Variants in MTRR observed in about 807,000 individuals in gnomAD.
MTRR encodes the protein methionine synthase reductase.
In MTRR, 63 loss-of-function variants were observed where a neutral mutation model predicts 79.2. The observed-to-expected ratio is 0.80, with a 90% CI of 0.65 to 0.98. The LOEUF (loss-of-function observed/expected upper bound fraction) is 0.98. MTRR is among the 50% of genes least tolerant of loss of function. MTRR has a pLI of 0.00. For missense variants in MTRR, 895 were observed against 839.6 expected (o/e 1.07, Z -0.82); for synonymous variants, 355 against 313.3 (o/e 1.13, Z -1.41).
chr5:7,873,212 T>G (rs1748302592), intron 2 of MTRR, among the ~76,000 whole-genome samples, 161 bp from the exon 3 acceptor site: 1 of 152,184 alleles, frequency 6.6e-6, no homozygotes, highest in African/African-American at 2.4e-5. Context: ...GCAAATTGAT[T>G]AAGCTGAGAG....
Position 7,899,982 on chromosome 5 carries a change from T to A in MTRR, c.2021T>A (p.Val674Asp). 6.2e-7 allele frequency: 1 copy of A among 1,613,734 alleles called. No individual in the cohort carries two copies. Among genetic ancestry groups the A allele is most frequent in the Non-Finnish European group, 8.5e-7 (1 of 1,179,932 alleles). ...CAAATAATAAGCAAAGAGGTTGGAGTTGAAAAACTAGAAGCAATGAAAACC... is the reference window on the plus strand; with the variant it reads ...CAAATAATAAGCAAAGAGGTTGGAGATGAAAAACTAGAAGCAATGAAAACC... ...LVQIISKEVG[V>D]EKLEAMKTLA... Residue 674 changes from valine (V) to aspartate (D), a missense_variant, in exon 15 of 15, where the codon GTT becomes GAT. Physicochemically the swap from Val to Asp is radical, Grantham distance 152 (BLOSUM62 -3). Transcript: ENST00000440940.
At chr5:7,878,431 T>C (rs1488806589) in intron 5 of MTRR, 109 bp downstream of exon 5, 1 of 1,329,618 alleles carries the variant, frequency 7.5e-7, no homozygotes, top group African/African-American at 1.5e-5. Flanking sequence ...TATGGCTTAC[T>C]GGCCCAATGT....
rs1748681766 is a variant in MTRR, at chr5:7,875,277, C to T, written c.303C>T (p.Tyr101=). 2.5e-6 allele frequency: 4 copies of T among 1,613,128 alleles called. No individual in the cohort carries two copies. Among genetic ancestry groups the T allele is most frequent in the Non-Finnish European group, 3.4e-6 (4 of 1,179,280 alleles). The change falls in exon 4 of 15, where the codon TAC becomes TAT. Residue 101 remains tyrosine (Y), a synonymous_variant. Coordinates refer to ENST00000440940, the MANE Select transcript of MTRR (RefSeq NM_002454.3). ...CTCTAGGTCTCGGTGATTCAGAATA[C>T]ACCTACTTTTGCAATGGGGGGAAGA... ...YGLLGLGDSE[Y]TYFCNGGKII...
upstream of MTRR, chr5:7,868,976 T>C (rs757648205): frequency 1.6e-5 from 13 of 835,928 alleles, no homozygotes; most frequent in Admixed American, 7.2e-5. Flanking sequence ...CGTTGACACC[T>C]ACCGCGCTCT....
Position 7,900,697 on chromosome 5 carries a change from T to A in MTRR, c.*639T>A, listed in dbSNP as rs1739337468. The A allele has an allele frequency of 6.5e-6, 1 of 152,858 alleles. No homozygotes were observed. Among genetic ancestry groups the A allele is most frequent in the South Asian group, 2.1e-4 (1 of 4,846 alleles). The allele number at this position is 152,858 out of a possible 1,614,324, so 9.5% of individuals were successfully genotyped here. A position where few individuals can be genotyped will look rare whatever the true frequency, so the allele number is the denominator to read the frequency against. ...TAAAATTTCACTCTGGCATATGATT[T>A]ATCTATCACCATTACTTTTTTTTAA... On this transcript the variant is annotated 3_prime_UTR_variant, in exon 15 of 15. Transcript: ENST00000440940.
chr5:7,877,886 G>A (rs2126692470), intron 4 of MTRR, 58 bp from the exon 5 acceptor site: 2 of 1,600,680 alleles, frequency 1.2e-6, no homozygotes, highest in South Asian at 1.1e-5. Context: ...ATCCTGTTCT[G>A]TGTTCAGATG....
chr5:7,870,020 C>T (rs1747641666), intron 1 of MTRR: 2 of 985,214 alleles, frequency 2.0e-6, no homozygotes, highest in Non-Finnish European at 2.4e-6. Context: ...TGACAGCCCA[C>T]CAATTTTAGC....
In MTRR at chr5:7,891,419, TA is replaced by T. The variant is rs1374075534; in HGVS notation, c.1370+6del. ...CAGACCATATTCGTGTGCAAGGTAC[TA>T]CTATTTATTCACGTAATATATAGCA... On this transcript the variant is annotated splice_donor_region_variant and intron_variant, in intron 10 of 14. Transcript: ENST00000440940. 1.2e-6 allele frequency: 2 copies of T among 1,605,426 alleles called. No individual in the cohort carries two copies. Among genetic ancestry groups the T allele is most frequent in the East Asian group, 4.5e-5 (2 of 44,626 alleles).
Position 7,870,849 on chromosome 5 carries a change from G to A in MTRR, c.55G>A (p.Ala19Thr), listed in dbSNP as rs114847469. ...ATQQGQAKAIAEEICEQAVVH... is the reference protein window; with the variant it reads ...ATQQGQAKAITEEICEQAVVH... ...ACAGCAGGGACAGGCAAAGGCCATC[G>A]CAGAAGAAATATGTGAGCAAGCTGT... The change falls in exon 2 of 15, where the codon GCA (alanine) becomes ACA (threonine). Residue 19 changes from alanine to threonine, a missense_variant. Physicochemically the swap from Ala to Thr is moderately conservative, Grantham distance 58. Transcript: ENST00000440940. The A allele has an allele frequency of 7.6e-5, 122 of 1,614,190 alleles. No homozygotes were observed. In the African/African-American group the frequency reaches 1.2e-3, roughly 15 times the overall value.
chr5:7,866,769 G>C, upstream of MTRR: 1 of 1,614,080 alleles, frequency 6.2e-7, no homozygotes, highest in Non-Finnish European at 8.5e-7. Context: ...TAATTGAAAT[G>C]AGTGAATAGC....
At position 7,873,476 on chromosome 5, in the gene MTRR, A is replaced by T; in HGVS notation, c.233A>T (p.Asn78Ile). Residue 78 changes from asparagine (N) to isoleucine (I), a missense_variant, in exon 3 of 15, where the codon AAC becomes ATC. By Grantham distance (149) the Asn-to-Ile change is moderately radical. Coordinates refer to ENST00000440940, the MANE Select transcript of MTRR (RefSeq NM_002454.3). ...CGCAAGTTTGTTAAGGAAATACAGA[A>T]CCAAACACTGCCGGTTGATTTCTTT... Reference protein sequence around the residue: ...TARKFVKEIQNQTLPVDFFAH... With the variant: ...TARKFVKEIQIQTLPVDFFAH... 1 of 1,614,134 alleles carries T rather than the reference A, an allele frequency of 6.2e-7. No individual in the cohort carries two copies.
At position 7,885,909 on chromosome 5, in the gene MTRR, G is replaced by T; in HGVS notation, c.1057+55G>T. ...TGTTGTGGGCCAGTGGACTGGAGCT[G>T]ATGGTGAGAGTGTGGCTCTAAGGTT... is the stretch of plus-strand genomic sequence containing the variant. On this transcript the variant is annotated intron_variant, in intron 7 of 14. Coordinates refer to ENST00000440940, the MANE Select transcript of MTRR (RefSeq NM_002454.3). The T allele has an allele frequency of 3.1e-6, 5 of 1,609,812 alleles. No individual in the cohort carries two copies. The South Asian group carries it at 5.5e-5, about 18-fold the overall frequency.
rs139206262 is a variant in MTRR, at chr5:7,895,829, G to A, written c.1653G>A (p.Pro551=). The A allele has an allele frequency of 9.8e-3, 15,831 of 1,614,060 alleles. 95 individuals carry two copies. The highest frequency in any genetic ancestry group is 0.012 in the Non-Finnish European group (13,704 of 1,179,944). The change falls in exon 12 of 15, where the codon CCG becomes CCA. Residue 551 remains proline, a synonymous_variant. Transcript: ENST00000440940. ...TGGGTCCAGGAACCGGCATAGCCCC[G>A]TTTATTGGGTTCCTACAACATAGGT... ...IMVGPGTGIA[P]FIGFLQHREK...
intron 5 of MTRR, among the ~76,000 whole-genome samples, chr5:7,879,070 AT>A (rs574651746): frequency 5.3e-5 from 8 of 151,964 alleles, no homozygotes; most frequent in Non-Finnish European, 1.0e-4. Flanking sequence ...TATGATAGCA[AT>A]TTTTTTTAGC....
intron 5 of MTRR, among the ~76,000 whole-genome samples, 154 bp from the exon 6 acceptor site, chr5:7,883,001 A>G (rs1329413039): frequency 6.6e-6 from 1 of 152,256 alleles, no homozygotes; most frequent in Non-Finnish European, 1.5e-5. Context: ...CTGAAAAGCT[A>G]GCTCCATATA....
chr5:7,873,937 G>A (rs1028881674), intron 3 of MTRR, among the ~76,000 whole-genome samples: 17 of 152,160 alleles, frequency 1.1e-4, no homozygotes, highest in African/African-American at 3.9e-4. Flanking sequence ...GATTCTCCCA[G>A]AATGAATGAT....
intron 8 of MTRR, 25 bp downstream of exon 8, chr5:7,886,728 T>G: frequency 6.5e-7 from 1 of 1,538,456 alleles, no homozygotes; most frequent in Non-Finnish European, 9.0e-7. Flanking sequence ...CTTCTTCAGG[T>G]AACTATTTTA....
intron 12 of MTRR, 96 bp from the exon 13 acceptor site, chr5:7,896,768 A>G: frequency 2.1e-6 from 2 of 955,230 alleles, no homozygotes; most frequent in East Asian, 2.5e-5. Flanking sequence ...GATTTTACAA[A>G]TCCGTCTGAG....
At chr5:7,875,050 A>T (rs766445370) in intron 3 of MTRR, 136 of 567,222 alleles carry the variant, frequency 2.4e-4, no homozygotes, top group Non-Finnish European at 3.9e-4. Context: ...ATTTTGTTTC[A>T]TTATATCTGC....
Sources: allele counts gnomAD v4.1 joint callset (sites outside exome capture counted in the v4.1 genomes callset), GRCh38; gene constraint gnomAD v4.1.1; transcripts MANE v1.5; gene names NCBI Gene and HGNC (gene_info 2026-07-23, HGNC 2026-07-21).